Variants in FRMD4A observed in about 807,000 individuals in gnomAD.
FRMD4A encodes the protein FERM domain-containing protein 4A.
A neutral mutation model predicts 129.1 loss-of-function variants in FRMD4A; 29 were observed. The ratio of observed to expected loss-of-function variants is 0.22; its 90% CI spans 0.17 to 0.31. FRMD4A has a LOEUF of 0.31. Among genes scored for constraint, FRMD4A ranks in the 10% least tolerant of loss-of-function variants. The pLI, the probability that FRMD4A is intolerant of heterozygous loss-of-function variation, is 1.00. For missense variants in FRMD4A, 1,272 were observed against 1,375.8 expected, an observed-to-expected ratio of 0.92 and a Z score of 1.19; for synonymous variants, 634 against 571.6, an observed-to-expected ratio of 1.11 and a Z score of -1.56.
rs11426622 is a variant in FRMD4A, at chr10:13,802,003, C to CAAAAAAAAAAAAA, written c.207-5428_207-5416dup. On this transcript the variant is annotated intron_variant, in intron 4 of 24. Transcript: ENST00000357447. ...TTCATTGCCTTTGCCAATAATAATGCAAAAAAAAAAAAAAAAAAAGCATCC... is the reference window on the plus strand; with the variant it reads ...TTCATTGCCTTTGCCAATAATAATGCAAAAAAAAAAAAAAAAAAAAAAAAAAAAAAAAGCATCC... Among the ~76,000 whole-genome samples the CAAAAAAAAAAAAA allele has an allele frequency of 3.9e-4, 43 of 109,446 alleles. 10 individuals are homozygous for CAAAAAAAAAAAAA. Among genetic ancestry groups the CAAAAAAAAAAAAA allele is most frequent in the Non-Finnish European group, 3.7e-4 (21 of 56,148 alleles). 71.8% of individuals were successfully genotyped at this position (109,446 alleles called of 152,430 possible). A position where few individuals can be genotyped will look rare whatever the true frequency, so the allele number is the denominator to read the frequency against.
chr10:13,904,156 C>T (rs1006542769), intron 2 of FRMD4A, among the ~76,000 whole-genome samples: 1 of 152,150 alleles, frequency 6.6e-6, no homozygotes, highest in African/African-American at 2.4e-5. Flanking sequence ...GGCCTTTGTC[C>T]CCTTTTGCCT....
At chr10:13,892,507 C>G (rs1316302639) in intron 2 of FRMD4A, among the ~76,000 whole-genome samples, 1 of 152,128 alleles carries the variant, frequency 6.6e-6, no homozygotes, top group African/African-American at 2.4e-5. Flanking sequence ...AGATTCCCCA[C>G]CAAGAACAAT....
At chr10:13,932,142 A>T (rs1362420834) in intron 2 of FRMD4A, among the ~76,000 whole-genome samples, 1 of 152,220 alleles carries the variant, frequency 6.6e-6, no homozygotes, top group Non-Finnish European at 1.5e-5. Flanking sequence ...GTCCAGACCC[A>T]TTGACCAAGT....
chr10:14,025,908 T>G (rs1280736526), intron 2 of FRMD4A, among the ~76,000 whole-genome samples: 2 of 152,202 alleles, frequency 1.3e-5, no homozygotes, highest in Non-Finnish European at 2.9e-5. Context: ...AGAAAGATAC[T>G]GCTTTGGACA....
At chr10:14,147,416 A>C (rs1156433556) in intron 2 of FRMD4A, among the ~76,000 whole-genome samples, 1 of 152,146 alleles carries the variant, frequency 6.6e-6, no homozygotes, top group Non-Finnish European at 1.5e-5. Context: ...GGAGAGGGGA[A>C]TGGTTTCAGG....
intron 2 of FRMD4A, among the ~76,000 whole-genome samples, chr10:13,926,992 G>A (rs2095140610): frequency 1.3e-5 from 2 of 152,124 alleles, no homozygotes; most frequent in African/African-American, 2.4e-5. Context: ...GGTGGCTCAC[G>A]TCTATAATCC....
chr10:13,891,399 G>GGT (rs1029159830), intron 2 of FRMD4A, among the ~76,000 whole-genome samples: 4 of 152,162 alleles, frequency 2.6e-5, no homozygotes, highest in Admixed American at 2.0e-4. Context: ...AAGGAAAGTA[G>GGT]GTGTGTGTGT....
chr10:14,172,594 G>A (rs1841534344), intron 2 of FRMD4A, among the ~76,000 whole-genome samples: 1 of 152,232 alleles, frequency 6.6e-6, no homozygotes, highest in Non-Finnish European at 1.5e-5. Context: ...TACTGCGATA[G>A]TTTGCAATTT....
intron 2 of FRMD4A, among the ~76,000 whole-genome samples, chr10:13,972,556 A>G (rs1019206099): frequency 6.6e-6 from 1 of 151,740 alleles, no homozygotes; most frequent in Non-Finnish European, 1.5e-5. Flanking sequence ...TTCGCCCCGC[A>G]TGAGGGGTTA....
intron 2 of FRMD4A, among the ~76,000 whole-genome samples, chr10:14,172,011 C>A (rs1350003337): frequency 6.6e-6 from 1 of 152,196 alleles, no homozygotes; most frequent in Non-Finnish European, 1.5e-5. Context: ...TTGGACAGGG[C>A]AACTTAGGAT....
intron 15 of FRMD4A, among the ~76,000 whole-genome samples, chr10:13,690,495 C>A (rs746936933): frequency 1.3e-5 from 2 of 152,194 alleles, no homozygotes; most frequent in Non-Finnish European, 2.9e-5. Flanking sequence ...TGCAGTGCGT[C>A]CCCCCACTGT....
chr10:14,049,774 G>A (rs921886364), intron 2 of FRMD4A, among the ~76,000 whole-genome samples: 1 of 152,174 alleles, frequency 6.6e-6, no homozygotes. Context: ...AGAATCGCTT[G>A]AACCGTGGAG....
chr10:13,919,962 C>A (rs1246328779), intron 2 of FRMD4A, among the ~76,000 whole-genome samples: 5 of 151,898 alleles, frequency 3.3e-5, no homozygotes, highest in Non-Finnish European at 5.9e-5. Context: ...CAAACAAACA[C>A]ACAAACAAAC....
In FRMD4A at chr10:13,740,914, C is replaced by T. The variant is rs113076231; in HGVS notation, c.549-337G>A. On this transcript the variant is annotated intron_variant, in intron 9 of 24. Coordinates refer to ENST00000357447, the MANE Select transcript of FRMD4A (RefSeq NM_018027.5). ...CGATCTTGGTTCACTGCAACCTCCA[C>T]CTCCCGAGTTCAAGCAATTCTTGTG... Among the ~76,000 whole-genome samples, 158 of 149,268 alleles carry T rather than the reference C, an allele frequency of 1.1e-3. 1 individual carries two copies. The highest frequency in any genetic ancestry group is 3.9e-3 in the African/African-American group (156 of 40,340).
At chr10:14,137,674 G>A (rs1839611472) in intron 2 of FRMD4A, among the ~76,000 whole-genome samples, 1 of 152,100 alleles carries the variant, frequency 6.6e-6, no homozygotes, top group Non-Finnish European at 1.5e-5. Context: ...TCCTTGAGTG[G>A]ATCTCTCTCT....
chr10:13,816,104 G>A (rs567202768), intron 3 of FRMD4A, among the ~76,000 whole-genome samples: 1 of 152,116 alleles, frequency 6.6e-6, no homozygotes, highest in Non-Finnish European at 1.5e-5. Flanking sequence ...TATATCTTTT[G>A]TTAAAAAATT....
chr10:13,979,183 A>G (rs938484732), intron 2 of FRMD4A, among the ~76,000 whole-genome samples: 11 of 152,158 alleles, frequency 7.2e-5, no homozygotes, highest in Non-Finnish European at 1.0e-4. Context: ...CATATGTGTA[A>G]TCAAAGCCTT....
chr10:14,266,100 G>A (rs190614423), intron 2 of FRMD4A, among the ~76,000 whole-genome samples: 18 of 148,524 alleles, frequency 1.2e-4, no homozygotes, highest in African/African-American at 2.9e-4. Context: ...TGTGGGTTTC[G>A]AGCAGCTTTC....
At chr10:14,227,627 G>A (rs912854650) in intron 2 of FRMD4A, among the ~76,000 whole-genome samples, 29 of 151,938 alleles carry the variant, frequency 1.9e-4, no homozygotes, top group African/African-American at 6.3e-4. Flanking sequence ...TGCATGAGGT[G>A]TCCTCTTTTT....
Sources: gnomAD v4.1 joint callset for allele counts (sites outside exome capture counted in the v4.1 genomes callset) on GRCh38, gnomAD v4.1.1 for gene constraint, MANE v1.5 for transcripts, NCBI Gene and HGNC (gene_info 2026-07-23, HGNC 2026-07-21) for gene names.